Variants in PRICKLE1 observed in about 807,000 individuals in gnomAD.
PRICKLE1 encodes the protein prickle-like protein 1.
A neutral mutation model predicts 70.2 loss-of-function variants in PRICKLE1; 14 were observed. That is an observed-to-expected ratio of 0.20 (90% confidence interval 0.13 to 0.31). The LOEUF is 0.31. Among genes scored for constraint, PRICKLE1 ranks in the 10% least tolerant of loss-of-function variants. The pLI is 1.00. For missense variants in PRICKLE1, 821 were observed against 1,026.2 expected, an observed-to-expected ratio of 0.80 and a Z score of 2.73; for synonymous variants, 357 against 379.9, an observed-to-expected ratio of 0.94 and a Z score of 0.70.
chr12:42,583,388 A>G (rs781584525), intron 1 of PRICKLE1, among the ~76,000 whole-genome samples: 3 of 152,194 alleles, frequency 2.0e-5, no homozygotes, highest in Non-Finnish European at 4.4e-5. Flanking sequence ...ATTTCCTCCA[A>G]GAAGGTTTGC....
At chr12:42,552,468 T>G (rs926056556) in intron 1 of PRICKLE1, among the ~76,000 whole-genome samples, 8 of 152,266 alleles carry the variant, frequency 5.3e-5, no homozygotes, top group African/African-American at 1.2e-4. Context: ...TGAAAAGCAC[T>G]TAGTCCAGAG....
chr12:42,552,224 G>A (rs1940330729), intron 1 of PRICKLE1, among the ~76,000 whole-genome samples: 1 of 151,748 alleles, frequency 6.6e-6, no homozygotes, highest in Admixed American at 6.6e-5. Flanking sequence ...ATGCCACCAC[G>A]CCCGGCTAAT....
chr12:42,575,355 C>T (rs1284037769), intron 1 of PRICKLE1, among the ~76,000 whole-genome samples: 2 of 152,174 alleles, frequency 1.3e-5, no homozygotes, highest in African/African-American at 4.8e-5. Context: ...ACAAAGGTGG[C>T]AATCAGTCCC....
chr12:42,465,436 A>C (rs929892555), intron 6 of PRICKLE1, 178 bp from the exon 7 acceptor site: 3 of 629,694 alleles, frequency 4.8e-6, no homozygotes, highest in Non-Finnish European at 8.2e-6. Context: ...GCCTACTCAT[A>C]AAAATTTATT....
chr12:42,550,667 T>C (rs1940299727), intron 1 of PRICKLE1, among the ~76,000 whole-genome samples: 1 of 152,220 alleles, frequency 6.6e-6, no homozygotes, highest in African/African-American at 2.4e-5. Context: ...ATCTAGAATA[T>C]TTCCAATCCT....
At chr12:42,473,251 G>C (rs1938393918) in intron 1 of PRICKLE1, among the ~76,000 whole-genome samples, 1 of 152,190 alleles carries the variant, frequency 6.6e-6, no homozygotes, top group Non-Finnish European at 1.5e-5. Context: ...AACAGTCACT[G>C]AATACAGTAC....
intron 1 of PRICKLE1, among the ~76,000 whole-genome samples, chr12:42,534,432 A>G (rs1317310461): frequency 6.6e-6 from 1 of 152,202 alleles, no homozygotes; most frequent in Admixed American, 6.5e-5. Context: ...TTGGGCATCC[A>G]GCACAGGGGC....
intron 1 of PRICKLE1, among the ~76,000 whole-genome samples, chr12:42,581,719 C>T (rs1940904015): frequency 6.6e-6 from 1 of 151,206 alleles, no homozygotes; most frequent in African/African-American, 2.4e-5. Flanking sequence ...TGCACTCCAG[C>T]CTGGGTGACA....
intron 1 of PRICKLE1, among the ~76,000 whole-genome samples, chr12:42,549,277 G>C (rs1276106328): frequency 6.6e-6 from 1 of 152,118 alleles, no homozygotes; most frequent in Non-Finnish European, 1.5e-5. Flanking sequence ...GCTGAAGCTT[G>C]GTTAGGGGTA....
intron 1 of PRICKLE1, among the ~76,000 whole-genome samples, chr12:42,488,124 TC>T (rs1305898192): frequency 6.6e-6 from 1 of 152,130 alleles, no homozygotes; most frequent in Non-Finnish European, 1.5e-5. Flanking sequence ...TGGACTGGCT[TC>T]CTCCTGACAC....
At chr12:42,495,925 A>G (rs1370910774) in intron 1 of PRICKLE1, among the ~76,000 whole-genome samples, 1 of 152,190 alleles carries the variant, frequency 6.6e-6, no homozygotes, top group Non-Finnish European at 1.5e-5. Context: ...AAAGTCTTCC[A>G]TGAGGGTTGA....
intron 1 of PRICKLE1, among the ~76,000 whole-genome samples, chr12:42,573,309 A>C (rs1940752323): frequency 6.6e-6 from 1 of 152,166 alleles, no homozygotes; most frequent in African/African-American, 2.4e-5. Context: ...CCAACAGACA[A>C]GGAGAAGTCC....
chr12:42,502,087 T>C (rs1593141888), intron 1 of PRICKLE1, among the ~76,000 whole-genome samples: 1 of 151,958 alleles, frequency 6.6e-6, no homozygotes, highest in East Asian at 1.9e-4. Flanking sequence ...TTTCTGTTTG[T>C]GTTTTGTCTC....
intron 1 of PRICKLE1, among the ~76,000 whole-genome samples, chr12:42,540,451 T>C (rs1028122715): frequency 7.2e-5 from 11 of 152,234 alleles, no homozygotes; most frequent in African/African-American, 2.7e-4. Context: ...ACTGACCATA[T>C]GGCACTTATA....
At chr12:42,546,788 T>C (rs1044533999) in intron 1 of PRICKLE1, among the ~76,000 whole-genome samples, 1 of 152,202 alleles carries the variant, frequency 6.6e-6, no homozygotes, top group Non-Finnish European at 1.5e-5. Context: ...ATCTTCCATT[T>C]AGCACTTGAT....
At chr12:42,497,316 C>T (rs545603541) in intron 1 of PRICKLE1, among the ~76,000 whole-genome samples, 19 of 151,874 alleles carry the variant, frequency 1.3e-4, no homozygotes, top group East Asian at 1.9e-4. Flanking sequence ...GAGGCCAGGG[C>T]GGGCGGATCA....
chr12:42,576,875 T>A (rs961335111), intron 1 of PRICKLE1, among the ~76,000 whole-genome samples: 1 of 152,202 alleles, frequency 6.6e-6, no homozygotes, highest in Admixed American at 6.5e-5. Flanking sequence ...TCTAGGCCAG[T>A]AGGTATGGTG....
chr12:42,465,031 G>C lies in PRICKLE1; in HGVS notation c.1003C>G (p.Arg335Gly). The C allele has an allele frequency of 6.3e-7, 1 of 1,595,522 alleles. No individual in the cohort carries two copies. The highest frequency in any genetic ancestry group is 1.1e-5 in the South Asian group (1 of 87,708). ...GCTGACCGGCTGCTCTTGCCCATTCGGACACTTCTTCGGGAGTCTCTTGAT... is the reference window on the plus strand; with the variant it reads ...GCTGACCGGCTGCTCTTGCCCATTCCGACACTTCTTCGGGAGTCTCTTGAT... ...ARSRDSRRSVRMGKSSRSADQ... is the reference protein window; with the variant it reads ...ARSRDSRRSVGMGKSSRSADQ... The change falls in exon 7 of 8, where the codon CGA becomes GGA. Residue 335 changes from arginine to glycine, a missense_variant. Transcript: ENST00000345127.
At chr12:42,543,045 C>A (rs1451385642) in intron 1 of PRICKLE1, among the ~76,000 whole-genome samples, 1 of 152,194 alleles carries the variant, frequency 6.6e-6, no homozygotes, top group Non-Finnish European at 1.5e-5. Context: ...CTGCGACAGG[C>A]ATCATTTATG....
Sources: gnomAD v4.1 joint callset for allele counts (sites outside exome capture counted in the v4.1 genomes callset) on GRCh38, gnomAD v4.1.1 for gene constraint, MANE v1.5 for transcripts, NCBI Gene and HGNC (gene_info 2026-07-23, HGNC 2026-07-21) for gene names.